The following STT3B variants were observed in gnomAD, a reference collection of about 807,000 sequenced individuals.
STT3B encodes STT3 oligosaccharyltransferase complex catalytic subunit B, also known as dolichyl-diphosphooligosaccharide--protein glycosyltransferase subunit STT3B.
Under a neutral mutation model 96.8 loss-of-function variants are expected in STT3B, and 29 were observed. The ratio of observed to expected loss-of-function variants is 0.30; its 90% CI spans 0.22 to 0.41. STT3B has a LOEUF of 0.41. Ranked by LOEUF, STT3B falls within the 10% of genes least tolerant of loss-of-function variation. STT3B has a pLI of 1.00. For missense variants in STT3B, 640 were observed against 1,022.3 expected, an observed-to-expected ratio of 0.63 and a Z score of 5.10; for synonymous variants, 367 against 360.0, an observed-to-expected ratio of 1.02 and a Z score of -0.22.
intron 14 of STT3B, among the ~76,000 whole-genome samples, chr3:31,631,640 T>A (rs996150393): frequency 2.6e-5 from 4 of 152,174 alleles, no homozygotes; most frequent in Non-Finnish European, 5.9e-5. Flanking sequence ...GAGCTGGTTT[T>A]CATGTTTGTT....
chr3:31,618,123 T>A (rs1699349897), intron 8 of STT3B, 135 bp downstream of exon 8: 1 of 687,236 alleles, frequency 1.5e-6, no homozygotes, highest in Non-Finnish European at 2.6e-6. Context: ...TTAGTAAATG[T>A]TAAATTCCTT....
intron 9 of STT3B, 80 bp from the exon 10 acceptor site, chr3:31,622,017 T>G: frequency 1.0e-6 from 1 of 986,250 alleles, no homozygotes; most frequent in Non-Finnish European, 1.5e-6. Flanking sequence ...TCCAGGTTGG[T>G]TTTATAGTTT....
At chr3:31,556,911 T>C (rs759178917) in intron 1 of STT3B, among the ~76,000 whole-genome samples, 6 of 152,186 alleles carry the variant, frequency 3.9e-5, no homozygotes, top group South Asian at 2.1e-4. Flanking sequence ...ATTTGTCTCT[T>C]TTTGTTTTTG....
At chr3:31,578,557 T>G (rs955970755) in intron 2 of STT3B, among the ~76,000 whole-genome samples, 15 of 150,232 alleles carry the variant, frequency 1.0e-4, no homozygotes, top group African/African-American at 3.7e-4. Flanking sequence ...AAATTCACTT[T>G]GTTTTTTTTT....
rs769137144 is a variant in STT3B, at chr3:31,615,068, T to C, written c.878-37T>C. ...TTATGTTTTAGGTACTTAATGGTAG[T>C]AGTAAATTATCCTTGTTTCCTATTT... On this transcript the variant is annotated intron_variant, in intron 5 of 15. Coordinates refer to ENST00000295770, the MANE Select transcript of STT3B (RefSeq NM_178862.3). 12 of 1,271,210 alleles carry C rather than the reference T, an allele frequency of 9.4e-6. No homozygotes were observed. In the East Asian group the frequency reaches 2.9e-4, roughly 30 times the overall value. The allele number at this position is 1,271,210 out of a possible 1,614,324, so 78.7% of individuals were successfully genotyped here. A position where few individuals can be genotyped will look rare whatever the true frequency, so the allele number is the denominator to read the frequency against.
chr3:31,619,339 A>T (rs931661236), intron 8 of STT3B, among the ~76,000 whole-genome samples: 2 of 152,342 alleles, frequency 1.3e-5, no homozygotes, highest in African/African-American at 4.8e-5. Flanking sequence ...TCCAAAAGGT[A>T]ATGAGACTCG....
chr3:31,548,336 A>G lies in STT3B; in HGVS notation c.314+15024A>G, dbSNP rs531166005. Reference sequence around the variant, plus strand: ...GGAAAATGAGCCATTTAAAACAGGGAAAAAAAATGTTTCTGTGAAACCGGG... The same window carrying G: ...GGAAAATGAGCCATTTAAAACAGGGGAAAAAAATGTTTCTGTGAAACCGGG... On this transcript the variant is annotated intron_variant, in intron 1 of 15. Coordinates refer to ENST00000295770, the MANE Select transcript of STT3B (RefSeq NM_178862.3). Among the ~76,000 whole-genome samples, 15 of 139,490 alleles carry G rather than the reference A, an allele frequency of 1.1e-4. No individual in the cohort carries two copies. The East Asian group carries it at 1.2e-3, about 12-fold the overall frequency. The allele number at this position is 139,490 out of a possible 152,430, so 91.5% of individuals were successfully genotyped here.
chr3:31,576,833 T>A (rs1352863047), intron 2 of STT3B, among the ~76,000 whole-genome samples: 1 of 152,092 alleles, frequency 6.6e-6, no homozygotes, highest in Non-Finnish European at 1.5e-5. Flanking sequence ...AAAAGCAATT[T>A]GGAAGGAGAT....
intron 1 of STT3B, among the ~76,000 whole-genome samples, chr3:31,557,224 G>T (rs76903700): frequency 0.044 from 6,647 of 152,214 alleles, 376 homozygotes; most frequent in East Asian, 0.32. Flanking sequence ...TGGATTCTCT[G>T]TTCTGTGCCA....
chr3:31,580,873 C>G (rs1698368928), intron 3 of STT3B, among the ~76,000 whole-genome samples: 1 of 151,282 alleles, frequency 6.6e-6, no homozygotes, highest in Non-Finnish European at 1.5e-5. Context: ...TAGGATGTTG[C>G]CAGTGCTGCT....
rs541860797 is a variant in STT3B at position 31,558,511 on chromosome 3, G to A, written c.315-17885G>A. Among the ~76,000 whole-genome samples, 15 of 152,228 alleles carry A rather than the reference G, an allele frequency of 9.9e-5. 1 individual carries two copies. The highest frequency in any genetic ancestry group is 3.9e-4 in the East Asian group (2 of 5,190). On this transcript the variant is annotated intron_variant, in intron 1 of 15. Transcript: ENST00000295770. ...TCATATTTATTGATTTGTGTCTGTC[G>A]AATCATCCTTGCTTCCCTGGTATAA...
intron 2 of STT3B, among the ~76,000 whole-genome samples, chr3:31,577,790 A>C (rs971024204): frequency 6.6e-6 from 1 of 152,158 alleles, no homozygotes; most frequent in African/African-American, 2.4e-5. Flanking sequence ...TGGGTAGTAC[A>C]TACGGCAGAT....
chr3:31,555,938 A>G (rs1399371120), intron 1 of STT3B, among the ~76,000 whole-genome samples: 1 of 152,166 alleles, frequency 6.6e-6, no homozygotes, highest in Non-Finnish European at 1.5e-5. Flanking sequence ...TGAAATACAT[A>G]GTAAATTGTT....
chr3:31,582,999 A>G (rs1698446082), intron 3 of STT3B, among the ~76,000 whole-genome samples: 1 of 152,208 alleles, frequency 6.6e-6, no homozygotes, highest in African/African-American at 2.4e-5. Context: ...TGTACTTGAG[A>G]AGAATTGTGT....
intron 15 of STT3B, 84 bp from the exon 16 acceptor site, chr3:31,635,900 A>C: frequency 1.1e-6 from 1 of 918,770 alleles, no homozygotes; most frequent in East Asian, 2.6e-5. Context: ...AAGTCATCAT[A>C]GTTCAGTAAA....
chr3:31,600,925 C>G (rs190801090), intron 5 of STT3B, among the ~76,000 whole-genome samples: 2 of 152,124 alleles, frequency 1.3e-5, no homozygotes, highest in Admixed American at 1.3e-4. Context: ...ACAATATTTT[C>G]ACTGTGATGT....
chr3:31,635,352 G>A (rs1455291586), intron 15 of STT3B, among the ~76,000 whole-genome samples: 2 of 152,088 alleles, frequency 1.3e-5, no homozygotes, highest in African/African-American at 4.8e-5. Context: ...ACTAGGAAAC[G>A]TCTATTGAAA....
In STT3B at chr3:31,552,672, A is replaced by G. The variant is rs1471604270; in HGVS notation, c.314+19360A>G. The stretch of plus-strand genomic sequence containing the variant: ...TCCTCTTTTCCTGCCTTTTTGCTCA[A>G]TAATTCATCCAGGTTTAAGTTAGAT... On this transcript the variant is annotated intron_variant, in intron 1 of 15. Transcript: ENST00000295770. Among the ~76,000 whole-genome samples, 2 of 152,086 alleles carry G rather than the reference A, an allele frequency of 1.3e-5. 1 individual carries two copies. Among genetic ancestry groups the G allele is most frequent in the South Asian group, 4.1e-4 (2 of 4,828 alleles).
chr3:31,584,506 G>T (rs1343479790), intron 3 of STT3B, among the ~76,000 whole-genome samples: 1 of 151,656 alleles, frequency 6.6e-6, no homozygotes, highest in East Asian at 1.9e-4. Context: ...AGAAATTTTT[G>T]TAGAATACAA....
Sources: allele counts gnomAD v4.1 joint callset (sites outside exome capture counted in the v4.1 genomes callset), GRCh38; gene constraint gnomAD v4.1.1; transcripts MANE v1.5; gene names NCBI Gene and HGNC (gene_info 2026-07-23, HGNC 2026-07-21).